The following TTLL5 variants were observed in gnomAD, a reference collection of about 807,000 sequenced individuals.
The protein encoded by TTLL5 is tubulin polyglutamylase TTLL5.
TTLL5 carries 132 observed loss-of-function variants against 168.4 expected under a neutral mutation model. That is an observed-to-expected ratio of 0.78 (90% confidence interval 0.68 to 0.91). TTLL5 has a LOEUF of 0.91. Among genes scored for constraint, TTLL5 ranks in the 40% least tolerant of loss-of-function variants. The pLI is 0.00. For synonymous variants in TTLL5, 546 were observed against 558.6 expected (o/e 0.98, Z 0.32); for missense variants, 1,545 against 1,581.5 (o/e 0.98, Z 0.39).
At chr14:75,818,658 T>G (rs1431799867) in intron 27 of TTLL5, 6 of 184,744 alleles carry the variant, frequency 3.2e-5, no homozygotes, top group African/African-American at 1.5e-4. Flanking sequence ...TGGCTAATTT[T>G]TTTTTTTTTT....
At chr14:75,732,644 CT>C (rs1200700097) in intron 13 of TTLL5, among the ~76,000 whole-genome samples, 1 of 152,058 alleles carries the variant, frequency 6.6e-6, no homozygotes, top group African/African-American at 2.4e-5. Flanking sequence ...TATATCATTC[CT>C]GTTTATTAGG....
At chr14:75,729,481 C>T (rs1355819910) in intron 12 of TTLL5, among the ~76,000 whole-genome samples, 2 of 149,160 alleles carry the variant, frequency 1.3e-5, no homozygotes, top group African/African-American at 4.9e-5. Context: ...ACTCTAGTTG[C>T]CTGCCAAGGA....
chr14:75,855,862 T>C (rs1378033642), intron 28 of TTLL5, among the ~76,000 whole-genome samples: 6 of 152,198 alleles, frequency 3.9e-5, no homozygotes, highest in Non-Finnish European at 8.8e-5. Flanking sequence ...CTCTACAACA[T>C]ATCATTCACA....
intron 28 of TTLL5, chr14:75,847,756 A>G (rs1048551770): frequency 6.6e-6 from 1 of 152,078 alleles, no homozygotes; most frequent in Admixed American, 6.5e-5. Context: ...CCACTCTGCC[A>G]GTGATTCTTT....
chr14:75,706,073 T>G (rs1171308097), intron 7 of TTLL5, among the ~76,000 whole-genome samples: 1 of 152,182 alleles, frequency 6.6e-6, no homozygotes, highest in African/African-American at 2.4e-5. Context: ...CCCACCCTCC[T>G]TTCTACTGGG....
chr14:75,772,500 T>C (rs971982739), intron 21 of TTLL5, among the ~76,000 whole-genome samples: 5 of 152,198 alleles, frequency 3.3e-5, no homozygotes, highest in African/African-American at 1.2e-4. Context: ...GATTCTTAGA[T>C]TGCTAGAATC....
intron 28 of TTLL5, among the ~76,000 whole-genome samples, chr14:75,845,045 C>G (rs1277810751): frequency 6.6e-6 from 1 of 152,182 alleles, no homozygotes; most frequent in East Asian, 1.9e-4. Flanking sequence ...TTCCAGTTGG[C>G]AAGTTACTGG....
At chr14:75,663,281 C>G (rs776338732) in intron 2 of TTLL5, 58 bp downstream of exon 2, 1 of 1,443,100 alleles carries the variant, frequency 6.9e-7, no homozygotes, top group East Asian at 2.4e-5. Context: ...CTTATATACT[C>G]TTATATACTG....
intron 10 of TTLL5, 123 bp from the exon 11 acceptor site, chr14:75,719,612 A>G (rs1887715323): frequency 1.4e-6 from 1 of 709,592 alleles, no homozygotes; most frequent in Admixed American, 3.5e-5. Flanking sequence ...GAGTAACTGG[A>G]AGTCAGCAAA....
At chr14:75,755,127 G>C (rs1157559327) in intron 18 of TTLL5, among the ~76,000 whole-genome samples, 1 of 152,066 alleles carries the variant, frequency 6.6e-6, no homozygotes, top group African/African-American at 2.4e-5. Context: ...AGCCAGGCTT[G>C]GTGGCGCATG....
At position 75,690,231 on chromosome 14, in the gene TTLL5, CATT is replaced by C. The variant is rs771240473; in HGVS notation, c.415_417del (p.Ile139del). 1 of 1,613,436 alleles carries C rather than the reference CATT, an allele frequency of 6.2e-7. No individual in the cohort carries two copies. The highest frequency in any genetic ancestry group is 1.3e-5 in the African/African-American group (1 of 75,042). On this transcript the variant is annotated inframe_deletion, in exon 6 of 32. Coordinates refer to ENST00000298832, the MANE Select transcript of TTLL5 (RefSeq NM_015072.5). ...CCCGGAAGGACCGACTGTACAAAAA[CATT>C]ATTCGAATGCAGCATACACATGGAT...
intron 28 of TTLL5, among the ~76,000 whole-genome samples, chr14:75,826,525 T>A (rs1895151043): frequency 6.6e-6 from 1 of 152,112 alleles, no homozygotes; most frequent in Non-Finnish European, 1.5e-5. Flanking sequence ...TCAAATAATT[T>A]TTTTATTTAA....
chr14:75,768,080 A>T (rs1891067233), intron 20 of TTLL5, among the ~76,000 whole-genome samples: 1 of 152,182 alleles, frequency 6.6e-6, no homozygotes, highest in African/African-American at 2.4e-5. Flanking sequence ...GTTGAACAGG[A>T]TTGTATAGTT....
chr14:75,923,944 C>T (rs991145800), intron 31 of TTLL5, among the ~76,000 whole-genome samples: 9 of 152,044 alleles, frequency 5.9e-5, no homozygotes, highest in Non-Finnish European at 1.3e-4. Flanking sequence ...TGAATTGATC[C>T]CTTTACCATT....
Position 75,663,183 on chromosome 14 carries a change from A to G in TTLL5, c.34A>G (p.Thr12Ala), listed in dbSNP as rs1175960237. 6.2e-7 allele frequency: 1 copy of G among 1,613,628 alleles called. No homozygotes were observed. Among genetic ancestry groups the G allele is most frequent in the African/African-American group, 1.3e-5 (1 of 74,908 alleles). Reference protein sequence around the residue: ...PIVMARDLEETASSSEDEEVI... With the variant: ...PIVMARDLEEAASSSEDEEVI... ...CGTGATGGCCCGGGACCTGGAGGAA[A>G]CAGCATCATCCTCAGAGGATGAGGA... Residue 12 changes from threonine to alanine, a missense_variant, in exon 2 of 32, where the codon ACA (threonine) becomes GCA (alanine). By Grantham distance (58) the Thr-to-Ala change is moderately conservative. Transcript: ENST00000298832.
chr14:75,687,731 A>G, intron 5 of TTLL5, among the ~76,000 whole-genome samples: 1 of 152,238 alleles, frequency 6.6e-6, no homozygotes, highest in East Asian at 1.9e-4. Flanking sequence ...AAACTCAACC[A>G]TAAGGAAACA....
At chr14:75,743,567 G>A (rs1889397123) in intron 15 of TTLL5, among the ~76,000 whole-genome samples, 1 of 143,196 alleles carries the variant, frequency 7.0e-6, no homozygotes, top group African/African-American at 2.6e-5. Flanking sequence ...AAACTCTCTG[G>A]CATCGCTCTT....
intron 31 of TTLL5, among the ~76,000 whole-genome samples, chr14:75,927,464 TC>T (rs1430437235): frequency 6.6e-6 from 1 of 152,214 alleles, no homozygotes; most frequent in Non-Finnish European, 1.5e-5. Flanking sequence ...TCTGAAAGAA[TC>T]AATAGTTAAT....
intron 31 of TTLL5, among the ~76,000 whole-genome samples, chr14:75,938,572 G>A (rs927381019): frequency 1.3e-5 from 2 of 152,220 alleles, no homozygotes; most frequent in African/African-American, 4.8e-5. Context: ...TTTTCAGAAT[G>A]CTTTCATATG....
Sources: allele counts gnomAD v4.1 joint callset (sites outside exome capture counted in the v4.1 genomes callset), GRCh38; gene constraint gnomAD v4.1.1; transcripts MANE v1.5; gene names NCBI Gene and HGNC (gene_info 2026-07-23, HGNC 2026-07-21).